The following ITFG1 variants were observed in gnomAD, a reference collection of about 807,000 sequenced individuals.
ITFG1 encodes integrin alpha FG-GAP repeat containing 1.
Under a neutral mutation model 81.8 loss-of-function variants are expected in ITFG1, and 34 were observed. The observed-to-expected ratio is 0.42, with a 90% CI of 0.32 to 0.55. ITFG1 has a LOEUF of 0.55. Ranked by LOEUF, ITFG1 falls within the 20% of genes least tolerant of loss-of-function variation. ITFG1 has a pLI of 0.17. For missense variants in ITFG1, 672 were observed against 755.4 expected (o/e 0.89, Z 1.29); for synonymous variants, 285 against 270.6 (o/e 1.05, Z -0.52).
At chr16:47,407,365 G>A (rs2151601393) in intron 6 of ITFG1, among the ~76,000 whole-genome samples, 1 of 152,214 alleles carries the variant, frequency 6.6e-6, no homozygotes, top group East Asian at 1.9e-4. Flanking sequence ...TGTTTTTTAT[G>A]TTTTGAGACA....
intron 12 of ITFG1, among the ~76,000 whole-genome samples, chr16:47,254,835 CT>C (rs1307630883): frequency 2.0e-5 from 3 of 152,022 alleles, no homozygotes; most frequent in African/African-American, 7.2e-5. Context: ...ATAAATCTGT[CT>C]TTTTTTTAAG....
rs940910685 is a variant in ITFG1 at position 47,162,488 on chromosome 16, T to C, written c.1578+52A>G. 4 of 1,352,416 alleles carry C rather than the reference T, an allele frequency of 3.0e-6. No individual in the cohort carries two copies. In the African/African-American group the frequency reaches 4.4e-5, roughly 15 times the overall value. The allele number at this position is 1,352,416 out of a possible 1,614,324, so 83.8% of individuals were successfully genotyped here. A position where few individuals can be genotyped will look rare whatever the true frequency, so the allele number is the denominator to read the frequency against. ...AAATTATTTAATTTAAATACTTAAA[T>C]AGTGAATATTAAAACATAGATTAAT... On this transcript the variant is annotated intron_variant, in intron 15 of 17. Transcript: ENST00000320640.
intron 12 of ITFG1, among the ~76,000 whole-genome samples, chr16:47,254,121 C>T (rs1046442401): frequency 6.6e-6 from 1 of 151,808 alleles, no homozygotes; most frequent in Non-Finnish European, 1.5e-5. Context: ...GTGAGGTCTC[C>T]TTTAGTACAA....
At chr16:47,346,948 C>A (rs1448102493) in intron 8 of ITFG1, among the ~76,000 whole-genome samples, 1 of 152,156 alleles carries the variant, frequency 6.6e-6, no homozygotes, top group African/African-American at 2.4e-5. Flanking sequence ...CAGCCCAGGA[C>A]ACAACAACAA....
chr16:47,435,249 C>A (rs1193325792), intron 5 of ITFG1, among the ~76,000 whole-genome samples: 1 of 152,104 alleles, frequency 6.6e-6, no homozygotes, highest in Non-Finnish European at 1.5e-5. Flanking sequence ...AAAGCAGATA[C>A]CATATTTTTC....
At chr16:47,216,993 T>C (rs1965632781) in intron 14 of ITFG1, among the ~76,000 whole-genome samples, 1 of 152,182 alleles carries the variant, frequency 6.6e-6, no homozygotes. Flanking sequence ...TGCAAATAGA[T>C]GTTTACTGTT....
At chr16:47,269,311 C>A (rs1187447725) in intron 10 of ITFG1, among the ~76,000 whole-genome samples, 1 of 151,596 alleles carries the variant, frequency 6.6e-6, no homozygotes, top group Non-Finnish European at 1.5e-5. Context: ...GGCTAGGTGG[C>A]AGATATAAAT....
chr16:47,312,512 T>C (rs1967281986), intron 9 of ITFG1: 1 of 151,912 alleles, frequency 6.6e-6, no homozygotes, highest in Non-Finnish European at 1.5e-5. Flanking sequence ...ATGAGTTTTT[T>C]TAAAAAAAAA....
At chr16:47,282,265 T>C (rs957705411) in intron 10 of ITFG1, among the ~76,000 whole-genome samples, 1 of 152,044 alleles carries the variant, frequency 6.6e-6, no homozygotes, top group African/African-American at 2.4e-5. Context: ...CCCCTCAGCC[T>C]TGCGAGTCTT....
chr16:47,454,690 T>C (rs1228978156), intron 2 of ITFG1, among the ~76,000 whole-genome samples: 1 of 152,172 alleles, frequency 6.6e-6, no homozygotes, highest in African/African-American at 2.4e-5. Context: ...TGGCAATCAA[T>C]ATAGCATCCA....
chr16:47,450,828 T>C (rs976003846), intron 5 of ITFG1, among the ~76,000 whole-genome samples: 2 of 152,120 alleles, frequency 1.3e-5, no homozygotes, highest in East Asian at 3.9e-4. Flanking sequence ...TCCAGAGTAA[T>C]TACAATGGAT....
chr16:47,285,488 C>A (rs1966866349), intron 10 of ITFG1, among the ~76,000 whole-genome samples: 1 of 152,188 alleles, frequency 6.6e-6, no homozygotes, highest in African/African-American at 2.4e-5. Context: ...ATGGGAACCC[C>A]AACCTGACGC....
intron 12 of ITFG1, among the ~76,000 whole-genome samples, chr16:47,244,529 G>A (rs1168050211): frequency 1.3e-5 from 2 of 151,840 alleles, no homozygotes; most frequent in Non-Finnish European, 2.9e-5. Context: ...GAGAGTAGAC[G>A]AAACAAAGTT....
intron 12 of ITFG1, among the ~76,000 whole-genome samples, chr16:47,253,337 A>G (rs1966099959): frequency 6.6e-6 from 1 of 152,230 alleles, no homozygotes; most frequent in South Asian, 2.1e-4. Context: ...TGTCAACAAC[A>G]CATGGCCAAC....
chr16:47,178,203 C>A (rs1965053888), intron 14 of ITFG1, among the ~76,000 whole-genome samples: 1 of 152,202 alleles, frequency 6.6e-6, no homozygotes, highest in African/African-American at 2.4e-5. Flanking sequence ...AAGAACATAG[C>A]AGCTGGGCTC....
intron 8 of ITFG1, among the ~76,000 whole-genome samples, chr16:47,327,875 G>A (rs1220988623): frequency 6.6e-6 from 1 of 152,168 alleles, no homozygotes; most frequent in Non-Finnish European, 1.5e-5. Flanking sequence ...ACTGTTGGTG[G>A]GACTGTAAAC....
intron 10 of ITFG1, among the ~76,000 whole-genome samples, chr16:47,273,514 T>G (rs1257683113): frequency 6.6e-6 from 1 of 152,198 alleles, no homozygotes; most frequent in East Asian, 1.9e-4. Context: ...AGGCAATTAA[T>G]TGATATTCAC....
rs545109636 is a variant in ITFG1 at position 47,229,236 on chromosome 16, A to G, written c.1374+8729T>C. 5.9e-4 allele frequency among the ~76,000 whole-genome samples: 90 copies of G among 152,278 alleles called. 3 individuals are homozygous for G. In the South Asian group the frequency reaches 0.018, roughly 30 times the overall value. On this transcript the variant is annotated intron_variant, in intron 13 of 17. Transcript: ENST00000320640. ...AACAACAGAAGGTGCATCCAACTCT[A>G]TGTCAAACGGAAGCCAGGGAATGCT...
At position 47,244,381 on chromosome 16, in the gene ITFG1, A is replaced by C. The variant is rs9673826; in HGVS notation, c.1331-6373T>G. Among the ~76,000 whole-genome samples the C allele has an allele frequency of 3.5e-3, 537 of 152,142 alleles. 1 individual carries two copies. The highest frequency in any genetic ancestry group is 0.012 in the African/African-American group (493 of 41,502). ...GCAATCTTGAGGGGCTGAGCCCTCA[A>C]CCTATGGGATCTGACAGATTATCTC... On this transcript the variant is annotated intron_variant, in intron 12 of 17. Coordinates refer to ENST00000320640, the MANE Select transcript of ITFG1 (RefSeq NM_030790.5).
Sources: gnomAD v4.1 joint callset for allele counts (sites outside exome capture counted in the v4.1 genomes callset) on GRCh38, gnomAD v4.1.1 for gene constraint, MANE v1.5 for transcripts, NCBI Gene and HGNC (gene_info 2026-07-23, HGNC 2026-07-21) for gene names.